Variants in ANKRD13A observed in about 807,000 individuals in gnomAD.
The protein encoded by ANKRD13A is ankyrin repeat domain 13A, also known as ankyrin repeat domain-containing protein 13A.
Under a neutral mutation model 81.3 loss-of-function variants are expected in ANKRD13A, and 48 were observed. That is an observed-to-expected ratio of 0.59 (90% CI 0.47 to 0.75). ANKRD13A has a LOEUF of 0.75. Among genes scored for constraint, ANKRD13A ranks in the 30% least tolerant of loss-of-function variants. The pLI, the probability that ANKRD13A is intolerant of heterozygous loss-of-function variation, is 0.00. For missense variants in ANKRD13A, 612 were observed against 734.0 expected (o/e 0.83, Z 1.92); for synonymous variants, 230 against 270.1 (o/e 0.85, Z 1.45).
intron 1 of ANKRD13A, among the ~76,000 whole-genome samples, chr12:110,003,092 G>A (rs1890064423): frequency 1.3e-5 from 2 of 152,196 alleles, no homozygotes; most frequent in African/African-American, 2.4e-5. Flanking sequence ...AAAGAAGTCT[G>A]TTAAACTTCT....
In ANKRD13A at chr12:110,013,398, C is replaced by A; in HGVS notation, c.354+149C>A. 2.9e-6 allele frequency: 3 copies of A among 1,038,466 alleles called. No individual in the cohort carries two copies. In the South Asian group the frequency reaches 5.0e-5, roughly 17 times the overall value. 64.3% of individuals were successfully genotyped at this position (1,038,466 alleles called of 1,614,324 possible). ...CAATACCAATCACATTATTCCTTGC[C>A]CTTCTAATTTGTGGAAATGTGAGTT... On this transcript the variant is annotated intron_variant, in intron 3 of 14. Coordinates refer to ENST00000261739, the MANE Select transcript of ANKRD13A (RefSeq NM_033121.2).
At chr12:110,008,885 GA>G (rs889930313) in intron 1 of ANKRD13A, among the ~76,000 whole-genome samples, 1 of 151,500 alleles carries the variant, frequency 6.6e-6, no homozygotes. Context: ...ACTCAGTCTG[GA>G]AAAAAAACCC....
At chr12:110,020,093 C>T (rs1376911056) in intron 6 of ANKRD13A, among the ~76,000 whole-genome samples, 2 of 152,146 alleles carry the variant, frequency 1.3e-5, no homozygotes, top group African/African-American at 4.8e-5. Context: ...GCCAAAGTAG[C>T]TTAGCCTGAG....
Position 110,037,677 on chromosome 12 carries a change from CCTT to C in ANKRD13A, c.*127_*129del. On this transcript the variant is annotated 3_prime_UTR_variant, in exon 15 of 15. Transcript: ENST00000261739. ...GTGCATGCAGCAGGCAACAACTGCC[CCTT>C]CTTTATGCAGAGGTGCAGAACCAGG... 3 of 992,130 alleles carry C rather than the reference CCTT, an allele frequency of 3.0e-6. No individual in the cohort carries two copies. Among genetic ancestry groups the C allele is most frequent in the Non-Finnish European group, 4.3e-6 (3 of 691,766 alleles). The allele number at this position is 992,130 out of a possible 1,614,324, so 61.5% of individuals were successfully genotyped here. A position where few individuals can be genotyped will look rare whatever the true frequency, so the allele number is the denominator to read the frequency against.
chr12:110,025,713 C>T, intron 7 of ANKRD13A, 29 bp from the exon 8 acceptor site: 1 of 1,555,890 alleles, frequency 6.4e-7, no homozygotes, highest in Non-Finnish European at 8.8e-7. Flanking sequence ...TTCCCTGTGT[C>T]ACTGTTTTCT....
At chr12:110,011,279 C>T (rs1444206311) in intron 1 of ANKRD13A, among the ~76,000 whole-genome samples, 1 of 151,996 alleles carries the variant, frequency 6.6e-6, no homozygotes, top group Non-Finnish European at 1.5e-5. Flanking sequence ...AAAAGGGGGG[C>T]GAGAGTGGCA....
intron 6 of ANKRD13A, among the ~76,000 whole-genome samples, chr12:110,023,087 TC>T (rs1165366906): frequency 2.0e-5 from 3 of 152,230 alleles, no homozygotes; most frequent in Non-Finnish European, 2.9e-5. Context: ...CTGCTGCTGT[TC>T]CCTGAGCTTC....
At chr12:110,008,834 G>A (rs529636396) in intron 1 of ANKRD13A, among the ~76,000 whole-genome samples, 297 of 152,270 alleles carry the variant, frequency 2.0e-3, no homozygotes, top group Non-Finnish European at 2.5e-3. Flanking sequence ...GCAGTGAGCT[G>A]AGATTGTGCC....
chr12:110,028,454 G>T, intron 9 of ANKRD13A, 58 bp from the exon 10 acceptor site: 1 of 1,602,624 alleles, frequency 6.2e-7, no homozygotes, highest in Non-Finnish European at 8.5e-7. Context: ...AGTGCCACAG[G>T]CCTTCACTTG....
At chr12:110,035,715 G>A (rs1566065495) in intron 13 of ANKRD13A, among the ~76,000 whole-genome samples, 1 of 152,088 alleles carries the variant, frequency 6.6e-6, no homozygotes, top group Non-Finnish European at 1.5e-5. Context: ...CTCCCAAAGT[G>A]CTGGGATTAG....
chr12:110,016,749 CTTTATTTTTATTTTTTATTTTATT>C (rs1375207180), intron 4 of ANKRD13A, among the ~76,000 whole-genome samples: 3 of 151,922 alleles, frequency 2.0e-5, no homozygotes, highest in Admixed American at 1.3e-4. Context: ...TAAAATGTCA[CTTTATTTTTATTTTTTATTTTATT>C]TTTATTTTTA....
chr12:110,000,460 C>T lies in ANKRD13A; in HGVS notation c.96+676C>T, dbSNP rs180953106. ...GTTCTCAGGCTCCTTAAAATCCCTT[C>T]CTGTTCTAAAGTGCTTTGATGCTTT... On this transcript the variant is annotated intron_variant, in intron 1 of 14. Coordinates refer to ENST00000261739, the MANE Select transcript of ANKRD13A (RefSeq NM_033121.2). Among the ~76,000 whole-genome samples the T allele has an allele frequency of 3.2e-4, 48 of 152,322 alleles. No homozygotes were observed. The East Asian group carries it at 6.0e-3, about 19-fold the overall frequency.
intron 1 of ANKRD13A, among the ~76,000 whole-genome samples, chr12:110,010,765 G>A (rs145909252): frequency 4.5e-4 from 69 of 152,300 alleles, no homozygotes; most frequent in African/African-American, 1.5e-3. Context: ...CATAGTTTTC[G>A]CAAAACAGGG....
At chr12:110,011,851 T>G (rs1890538477) in intron 1 of ANKRD13A, among the ~76,000 whole-genome samples, 154 bp from the exon 2 acceptor site, 1 of 152,260 alleles carries the variant, frequency 6.6e-6, no homozygotes, top group Admixed American at 6.5e-5. Context: ...ATATTTTAAC[T>G]GTGCCCAAAT....
chr12:110,007,067 C>T (rs1000712311), intron 1 of ANKRD13A, among the ~76,000 whole-genome samples: 13 of 152,112 alleles, frequency 8.5e-5, no homozygotes, highest in Non-Finnish European at 1.6e-4. Flanking sequence ...TATGTCTGTC[C>T]TTATGCCAGT....
Position 110,036,333 on chromosome 12 carries a change from T to TTGACTGACG in ANKRD13A, c.1577+11_1577+19dup. On this transcript the variant is annotated splice_donor_region_variant and intron_variant, in intron 14 of 14. Transcript: ENST00000261739. The surrounding 1 kb of genome is among the most constrained non-coding windows in gnomAD (Gnocchi z 4.6). ...CTATGACGCCCAGTATGAGAGGTGATTGACTGACGTGACTCTGGAATAAAC... is the reference window on the plus strand; with the variant it reads ...CTATGACGCCCAGTATGAGAGGTGATTGACTGACGTGACTGACGTGACTCTGGAATAAAC... 6.2e-7 allele frequency: 1 copy of TTGACTGACG among 1,613,780 alleles called. No homozygotes were observed. Among genetic ancestry groups the TTGACTGACG allele is most frequent in the Non-Finnish European group, 8.5e-7 (1 of 1,179,720 alleles).
At position 110,025,740 on chromosome 12, in the gene ANKRD13A, A is replaced by T; in HGVS notation, c.802-2A>T. On this transcript the variant is annotated splice_acceptor_variant, in intron 7 of 14. Transcript: ENST00000261739. LOFTEE classifies it high-confidence loss of function. ...CTGTTTTCTTTCGCATACACCTCTC[A>T]GGTTTACACAGTAAACAATGTGAAT... is the stretch of plus-strand genomic sequence containing the variant. 6.2e-7 allele frequency: 1 copy of T among 1,603,954 alleles called. No homozygotes were observed. Among genetic ancestry groups the T allele is most frequent in the Non-Finnish European group, 8.5e-7 (1 of 1,174,890 alleles).
In ANKRD13A at chr12:110,030,172, C is replaced by CTT. The variant is rs111243781; in HGVS notation, c.1235-462_1235-461dup. Among the ~76,000 whole-genome samples the CTT allele has an allele frequency of 3.5e-5, 5 of 143,734 alleles. No homozygotes were observed. The East Asian group carries it at 6.0e-4, about 17-fold the overall frequency. 94.3% of individuals were successfully genotyped at this position (143,734 alleles called of 152,430 possible). A position where few individuals can be genotyped will look rare whatever the true frequency, so the allele number is the denominator to read the frequency against. Reference sequence around the variant, plus strand: ...GGAGAAAATACATAACTCATTTTCTCTTTTTTTTTTTTGAGATGGAGTCTC... The same window carrying CTT: ...GGAGAAAATACATAACTCATTTTCTCTTTTTTTTTTTTTTGAGATGGAGTCTC... On this transcript the variant is annotated intron_variant, in intron 11 of 14. Coordinates refer to ENST00000261739, the MANE Select transcript of ANKRD13A (RefSeq NM_033121.2).
At chr12:110,015,310 A>G (rs1890733547) in intron 3 of ANKRD13A, among the ~76,000 whole-genome samples, 6 of 152,242 alleles carry the variant, frequency 3.9e-5, no homozygotes, top group Admixed American at 3.9e-4. Context: ...AGAGTAGTTC[A>G]ATAAATAGGA....
Sources: gnomAD v4.1 joint callset for allele counts (sites outside exome capture counted in the v4.1 genomes callset) on GRCh38, gnomAD v4.1.1 for gene constraint, Gnocchi (gnomAD v3.1) non-coding constraint, MANE v1.5 for transcripts, NCBI Gene and HGNC (gene_info 2026-07-23, HGNC 2026-07-21) for gene names.